Variants in GAL3ST1 observed in about 807,000 individuals in gnomAD.
The protein encoded by GAL3ST1 is galactose-3-O-sulfotransferase 1, also known as galactosylceramide sulfotransferase.
In GAL3ST1, 13 loss-of-function variants were observed where a neutral mutation model predicts 25.0. That is an observed-to-expected ratio of 0.52 (90% CI 0.34 to 0.83). The LOEUF is 0.83. GAL3ST1 is among the 40% of genes least tolerant of loss of function. The probability of loss-of-function intolerance (pLI) is 0.02; values close to 1 mark genes in which losing one functional copy is unlikely to be tolerated. For missense variants in GAL3ST1, 474 were observed against 613.6 expected (o/e 0.77, Z 2.40); for synonymous variants, 274 against 277.8 (o/e 0.99, Z 0.14).
chr22:30,568,556 T>G (rs779241217), intron 1 of GAL3ST1, among the ~76,000 whole-genome samples: 71 of 152,320 alleles, frequency 4.7e-4, no homozygotes, highest in Admixed American at 1.4e-3. Flanking sequence ...AGAACTGTAT[T>G]AAGCCTTTTA....
At position 30,557,325 on chromosome 22, in the gene GAL3ST1, G is replaced by C; in HGVS notation, c.68C>G (p.Thr23Ser). Reference protein sequence around the residue: ...AKGLVLGALFTSFLLLVYSYA... With the variant: ...AKGLVLGALFSSFLLLVYSYA... ...GGAGTACACCAGCAGCAGGAAACTAGTGAAGAGCGCGCCCAGCACCAGCCC... is the reference window on the plus strand; with the variant it reads ...GGAGTACACCAGCAGCAGGAAACTACTGAAGAGCGCGCCCAGCACCAGCCC... Residue 23 changes from threonine to serine, a missense_variant, in exon 3 of 4, where the codon ACT (threonine) becomes AGT (serine). Coordinates refer to ENST00000406361, the MANE Select transcript of GAL3ST1 (RefSeq NM_001318104.2). The C allele has an allele frequency of 6.2e-7, 1 of 1,614,228 alleles. No homozygotes were observed. The highest frequency in any genetic ancestry group is 8.5e-7 in the Non-Finnish European group (1 of 1,180,004).
intron 1 of GAL3ST1, among the ~76,000 whole-genome samples, chr22:30,573,197 G>T (rs1366171216): frequency 3.3e-5 from 5 of 152,192 alleles, no homozygotes; most frequent in African/African-American, 7.2e-5. Flanking sequence ...GCGAGGGGGG[G>T]TGTCCAGAGC....
intron 1 of GAL3ST1, among the ~76,000 whole-genome samples, chr22:30,562,888 A>C (rs1475194163): frequency 6.6e-6 from 1 of 152,196 alleles, no homozygotes; most frequent in Admixed American, 6.5e-5. Flanking sequence ...AGGCCGAGAC[A>C]GGCAGATCAC....
Position 30,555,943 on chromosome 22 carries a change from G to C in GAL3ST1, c.282C>G (p.Ile94Met), listed in dbSNP as rs1279395509. The change falls in exon 4 of 4, where the codon ATC becomes ATG. Residue 94 changes from isoleucine (I) to methionine (M), a missense_variant. Ile to Met is a conservative substitution (Grantham distance 10). Transcript: ENST00000406361. This position sits in a 1 kb window ranked among gnomAD's most constrained non-coding sequence, Gnocchi z 8.6. ...HKTASSTLLN[I>M]LFRFGQKHRL... ...GGTGCTTCTGGCCGAAGCGGAACAG[G>C]ATGTTGAGCAGGGTGCTGCTGGCCG... The C allele has an allele frequency of 6.2e-7, 1 of 1,614,158 alleles. No individual in the cohort carries two copies. Among genetic ancestry groups the C allele is most frequent in the Non-Finnish European group, 8.5e-7 (1 of 1,180,030 alleles).
chr22:30,571,016 T>A (rs565757750), intron 1 of GAL3ST1, among the ~76,000 whole-genome samples: 9 of 139,682 alleles, frequency 6.4e-5, no homozygotes, highest in East Asian at 5.3e-4. Context: ...ACACACACAC[T>A]CTTTACAAAA....
At chr22:30,564,230 T>G (rs1288612411) in intron 1 of GAL3ST1, among the ~76,000 whole-genome samples, 1 of 152,140 alleles carries the variant, frequency 6.6e-6, no homozygotes, top group East Asian at 1.9e-4. Flanking sequence ...GCCATCATTG[T>G]TATCATCATT....
intron 1 of GAL3ST1, among the ~76,000 whole-genome samples, chr22:30,569,075 CAAAA>C (rs66507126): frequency 4.6e-5 from 4 of 86,180 alleles, no homozygotes; most frequent in Non-Finnish European, 4.6e-5. Flanking sequence ...GACTCCATCT[CAAAA>C]AAAAAAAAAA....
chr22:30,558,936 T>C (rs1304951017), intron 1 of GAL3ST1, among the ~76,000 whole-genome samples: 1 of 152,102 alleles, frequency 6.6e-6, no homozygotes, highest in Admixed American at 6.5e-5. Flanking sequence ...GGAGGGTGGA[T>C]CACCTGAGGT....
At position 30,562,592 on chromosome 22, in the gene GAL3ST1, C is replaced by A. The variant is rs1311960841; in HGVS notation, c.-119-4204G>T. On this transcript the variant is annotated intron_variant, in intron 1 of 3. Transcript: ENST00000406361. ...TGCCAGAGGTGAGGTCCCTTCCATGCCCCGCTGCAGGCAAGCCTACCAGTG... is the reference window on the plus strand; with the variant it reads ...TGCCAGAGGTGAGGTCCCTTCCATGACCCGCTGCAGGCAAGCCTACCAGTG... Among the ~76,000 whole-genome samples the A allele has an allele frequency of 1.3e-5, 2 of 152,306 alleles. 1 individual carries two copies. The highest frequency in any genetic ancestry group is 3.9e-4 in the East Asian group (2 of 5,180).
chr22:30,557,972 T>C lies in GAL3ST1; in HGVS notation c.-10+307A>G, dbSNP rs140393991. ...TTTTATATTTTAATTTTTTTAAAAA[T>C]AGAGACAGTTTTGCCACGTTGCCTA... On this transcript the variant is annotated intron_variant, in intron 2 of 3. Coordinates refer to ENST00000406361, the MANE Select transcript of GAL3ST1 (RefSeq NM_001318104.2). 1.3e-4 allele frequency among the ~76,000 whole-genome samples: 19 copies of C among 151,930 alleles called. 1 individual carries two copies. In the East Asian group the frequency reaches 3.5e-3, roughly 28 times the overall value.
chr22:30,572,519 G>C (rs1039892052), intron 1 of GAL3ST1, among the ~76,000 whole-genome samples: 1 of 152,166 alleles, frequency 6.6e-6, no homozygotes, highest in Non-Finnish European at 1.5e-5. Context: ...CACACTCAGC[G>C]TTAGCTCCTC....
chr22:30,558,214 T>A (rs1185625135), intron 2 of GAL3ST1, 65 bp downstream of exon 2: 1 of 151,732 alleles, frequency 6.6e-6, no homozygotes, highest in Non-Finnish European at 1.5e-5. Context: ...AGCCTGGGCA[T>A]ATGGTGAGAA....
In GAL3ST1 at chr22:30,555,005, T is replaced by C. The variant is rs758790086; in HGVS notation, c.1220A>G (p.Asn407Ser). Residue 407 changes from asparagine (N) to serine (S), a missense_variant, in exon 4 of 4, where the codon AAC (asparagine) becomes AGC (serine). By Grantham distance (46) the Asn-to-Ser change is conservative. Transcript: ENST00000406361. The surrounding 1 kb of genome is among the most constrained non-coding windows in gnomAD (Gnocchi z 8.6). ...CTTCCAGAGCTTGGTGACCCACAGG[T>C]TGGCGCCGAGGTCCATCAGGTACTG... Reference protein sequence around the residue: ...EIQYLMDLGANLWVTKLWKFI... With the variant: ...EIQYLMDLGASLWVTKLWKFI... 6.3e-7 allele frequency: 1 copy of C among 1,596,992 alleles called. No homozygotes were observed. Among genetic ancestry groups the C allele is most frequent in the Admixed American group, 1.7e-5 (1 of 59,154 alleles).
intron 1 of GAL3ST1, among the ~76,000 whole-genome samples, chr22:30,570,687 G>A (rs1007968314): frequency 6.6e-6 from 1 of 152,046 alleles, no homozygotes; most frequent in African/African-American, 2.4e-5. Flanking sequence ...TCCTAAGGCT[G>A]AGGCAGGAGA....
rs772337286 is a variant in GAL3ST1 at position 30,555,355 on chromosome 22, C to T, written c.870G>A (p.Ser290=). ...CGGTGGCGCGCCCATACAGCTCCCC[C>T]GAGAGCCGCGGCACGGGCGAGTCGC... ...ARRDSPVPRL[S]GELYGRATAW... The change falls in exon 4 of 4, where the codon TCG becomes TCA. Residue 290 remains serine (S), a synonymous_variant. Transcript: ENST00000406361. This position sits in a 1 kb window ranked among gnomAD's most constrained non-coding sequence, Gnocchi z 8.6. 5 of 1,607,946 alleles carry T rather than the reference C, an allele frequency of 3.1e-6. No homozygotes were observed. The highest frequency in any genetic ancestry group is 2.7e-5 in the African/African-American group (2 of 74,944).
chr22:30,566,385 T>G (rs4149486), intron 1 of GAL3ST1, among the ~76,000 whole-genome samples: 1 of 152,358 alleles, frequency 6.6e-6, no homozygotes, highest in Admixed American at 6.5e-5. Context: ...TGCAGCCTCA[T>G]AGTCCTCTCT....
chr22:30,568,222 G>A lies in GAL3ST1; in HGVS notation c.-120+6244C>T, dbSNP rs141748922. 1.7e-4 allele frequency among the ~76,000 whole-genome samples: 26 copies of A among 152,356 alleles called. No individual in the cohort carries two copies. In the East Asian group the frequency reaches 5.0e-3, roughly 29 times the overall value. Reference sequence around the variant, plus strand: ...GACAGCAGTATCAGGAAGGCTTCCTGGGGTAGGGGCCTCTGGTGGCAGAAG... The same window carrying A: ...GACAGCAGTATCAGGAAGGCTTCCTAGGGTAGGGGCCTCTGGTGGCAGAAG... On this transcript the variant is annotated intron_variant, in intron 1 of 3. Transcript: ENST00000406361.
intron 1 of GAL3ST1, among the ~76,000 whole-genome samples, chr22:30,559,346 T>A (rs1007565499): frequency 6.6e-6 from 1 of 152,046 alleles, no homozygotes; most frequent in African/African-American, 2.4e-5. Flanking sequence ...GTTCAAGCGA[T>A]TCTCCTGCCT....
chr22:30,556,276 C>T (rs952690820), intron 3 of GAL3ST1, among the ~76,000 whole-genome samples, 183 bp from the exon 4 acceptor site: 6 of 152,112 alleles, frequency 3.9e-5, no homozygotes, highest in Non-Finnish European at 8.8e-5. Context: ...GCCTCATGTT[C>T]CTCTTCTGTG....
Sources: gnomAD v4.1 joint callset for allele counts (sites outside exome capture counted in the v4.1 genomes callset) on GRCh38, gnomAD v4.1.1 for gene constraint, Gnocchi (gnomAD v3.1) non-coding constraint, MANE v1.5 for transcripts, NCBI Gene and HGNC (gene_info 2026-07-23, HGNC 2026-07-21) for gene names.